Variants in CROCC2 observed in about 807,000 individuals in gnomAD.
CROCC2 encodes the protein ciliary rootlet coiled-coil protein 2.
CROCC2 carries 163 observed loss-of-function variants against 177.6 expected under a neutral mutation model. The ratio of observed to expected loss-of-function variants is 0.92; its 90% confidence interval spans 0.81 to 1.05. CROCC2 has a LOEUF of 1.05. CROCC2 is among the 50% of genes least tolerant of loss of function. The pLI is 0.00. For synonymous variants in CROCC2, 904 were observed against 787.3 expected (o/e 1.15, Z -2.48); for missense variants, 1,929 against 1,797.8 (o/e 1.07, Z -1.32).
In CROCC2 at chr2:240,972,722, G is replaced by A. The variant is rs2059730262; in HGVS notation, c.4401+4460G>A. Among the ~76,000 whole-genome samples, 1 of 151,762 alleles carries A rather than the reference G, an allele frequency of 6.6e-6. No homozygotes were observed. The highest frequency in any genetic ancestry group is 1.5e-5 in the Non-Finnish European group (1 of 67,978). On this transcript the variant is annotated intron_variant, in intron 27 of 31. Transcript: ENST00000690015. The surrounding 1 kb of genome is among the most constrained non-coding windows in gnomAD (Gnocchi z 7.1). ...GGTGTCAACGTTTTCTTACAATTCT[G>A]GCAATTATTATTTCACCCATTTTTA...
At chr2:240,931,446 C>G (rs190967753) in intron 7 of CROCC2, among the ~76,000 whole-genome samples, 1 of 152,194 alleles carries the variant, frequency 6.6e-6, no homozygotes, top group Non-Finnish European at 1.5e-5. Flanking sequence ...GAACATTCTT[C>G]TAGGGGCAAG....
Position 240,949,528 on chromosome 2 carries a change from C to T in CROCC2, c.2483-5C>T. The T allele has an allele frequency of 6.5e-7, 1 of 1,550,096 alleles. No homozygotes were observed. The highest frequency in any genetic ancestry group is 8.7e-7 in the Non-Finnish European group (1 of 1,146,590). Reference sequence around the variant, plus strand: ...CCCTGGTGCATCTCACCCATCACCCCACAGTGGAAATGGAGCAGCTACAAA... The same window carrying T: ...CCCTGGTGCATCTCACCCATCACCCTACAGTGGAAATGGAGCAGCTACAAA... On this transcript the variant is annotated splice_polypyrimidine_tract_variant and splice_region_variant and intron_variant, in intron 16 of 31. Transcript: ENST00000690015. The surrounding 1 kb of genome is among the most constrained non-coding windows in gnomAD (Gnocchi z 4.5).
rs754849341 is a variant in CROCC2 at position 240,934,955 on chromosome 2, C to T, written c.1831C>T (p.Arg611Trp). The change falls in exon 13 of 32, where the codon CGG becomes TGG. Residue 611 changes from arginine to tryptophan, a missense_variant. Physicochemically the swap from Arg to Trp is moderately radical, Grantham distance 101. This residue lies in a region of CROCC2 where 1,397 missense variants were observed against 1,239.9 expected (regional missense o/e 1.13). Coordinates refer to ENST00000690015, the MANE Select transcript of CROCC2 (RefSeq NM_001351305.2). ...TGCGGACCTGGAGCTTCTTGTGAGG[C>T]GGCTGAAGTCGGAGGGAGTGGAGCA... ...SNADLELLVR[R>W]LKSEGVEQRD... 1.4e-5 allele frequency: 21 copies of T among 1,517,626 alleles called. No individual in the cohort carries two copies. The highest frequency in any genetic ancestry group is 1.0e-4 in the South Asian group (8 of 80,166). The allele number at this position is 1,517,626 out of a possible 1,614,324, so 94.0% of individuals were successfully genotyped here.
intron 11 of CROCC2, 31 bp downstream of exon 11, chr2:240,933,883 C>A: frequency 6.5e-7 from 1 of 1,533,120 alleles, no homozygotes; most frequent in Non-Finnish European, 8.8e-7. Flanking sequence ...GGGCAGGGCC[C>A]CTCCCACAGA....
chr2:240,957,924 C>A (rs1018343627), intron 19 of CROCC2: 1 of 972,544 alleles, frequency 1.0e-6, no homozygotes, highest in Non-Finnish European at 1.2e-6. Flanking sequence ...GAAAGCCCTC[C>A]TGGGGCCCTG....
At chr2:240,963,964 G>A (rs1219444659) in intron 21 of CROCC2, 191 bp downstream of exon 21, 12 of 632,404 alleles carry the variant, frequency 1.9e-5, no homozygotes, top group Non-Finnish European at 2.5e-5. Context: ...GCCAGTGCGA[G>A]GGATGGCTGA....
At chr2:240,969,265 G>A (rs1052344353) in intron 27 of CROCC2, among the ~76,000 whole-genome samples, 13 of 152,222 alleles carry the variant, frequency 8.5e-5, no homozygotes, top group African/African-American at 1.2e-4. Flanking sequence ...TGTTCCACGC[G>A]GGGCTCAGCC....
Position 240,951,329 on chromosome 2 carries a change from G to A in CROCC2, c.2829+819G>A, listed in dbSNP as rs576917042. ...CATCCATCCATCCACCCATCCACCT[G>A]TTCATCCTTCCATCCTCCCATCCAC... On this transcript the variant is annotated intron_variant, in intron 18 of 31. Transcript: ENST00000690015. 2.8e-5 allele frequency among the ~76,000 whole-genome samples: 4 copies of A among 143,072 alleles called. No homozygotes were observed. In the South Asian group the frequency reaches 6.9e-4, roughly 25 times the overall value. 93.9% of individuals were successfully genotyped at this position (143,072 alleles called of 152,430 possible). A position where few individuals can be genotyped will look rare whatever the true frequency, so the allele number is the denominator to read the frequency against.
chr2:240,966,026 T>C, intron 24 of CROCC2, 33 bp downstream of exon 24: 1 of 1,319,766 alleles, frequency 7.6e-7, no homozygotes, highest in Non-Finnish European at 9.6e-7. Flanking sequence ...GGCGGGCCCC[T>C]CTCCCAGCTC....
chr2:240,910,161 G>A (rs1246713424), intron 1 of CROCC2, among the ~76,000 whole-genome samples: 1 of 152,168 alleles, frequency 6.6e-6, no homozygotes, highest in Admixed American at 6.5e-5. Context: ...CTGTCCCTGG[G>A]GTGAGCAAGT....
Position 240,949,742 on chromosome 2 carries a change from C to A in CROCC2, c.2652+40C>A. 1 of 1,508,192 alleles carries A rather than the reference C, an allele frequency of 6.6e-7. No homozygotes were observed. Among genetic ancestry groups the A allele is most frequent in the Non-Finnish European group, 8.9e-7 (1 of 1,121,566 alleles). The allele number at this position is 1,508,192 out of a possible 1,614,324, so 93.4% of individuals were successfully genotyped here. ...AGCCCACCAGTAGCTTCCTAGAAGG[C>A]TACCAGGTCCCGGGGAATGGCAGGC... On this transcript the variant is annotated intron_variant, in intron 17 of 31. Transcript: ENST00000690015. The surrounding 1 kb of genome is among the most constrained non-coding windows in gnomAD (Gnocchi z 4.5).
chr2:240,973,666 G>C lies in CROCC2; in HGVS notation c.4401+5404G>C, dbSNP rs2059738753. Among the ~76,000 whole-genome samples the C allele has an allele frequency of 6.6e-6, 1 of 152,234 alleles. No individual in the cohort carries two copies. The highest frequency in any genetic ancestry group is 2.4e-5 in the African/African-American group (1 of 41,456). On this transcript the variant is annotated intron_variant, in intron 27 of 31. Transcript: ENST00000690015. This position sits in a 1 kb window ranked among gnomAD's most constrained non-coding sequence, Gnocchi z 4.7. ...CGGGGTCCACATATGCCCACAGCTA[G>C]CAGAGCAGCTTAGGGCCAGCGGGGC...
At chr2:240,953,000 C>A (rs954964222) in intron 18 of CROCC2, among the ~76,000 whole-genome samples, 15 of 152,172 alleles carry the variant, frequency 9.9e-5, no homozygotes, top group African/African-American at 3.6e-4. Flanking sequence ...TCAAGGCCCC[C>A]ACGCAGCCCC....
At chr2:240,991,807 G>A (rs1400984285) in intron 31 of CROCC2, among the ~76,000 whole-genome samples, 1 of 152,244 alleles carries the variant, frequency 6.6e-6, no homozygotes, top group African/African-American at 2.4e-5. Context: ...CGTGCCCTCA[G>A]CTCTGTAAAC....
chr2:240,914,031 G>T (rs182801064), intron 1 of CROCC2, among the ~76,000 whole-genome samples: 8 of 152,272 alleles, frequency 5.3e-5, no homozygotes, highest in Non-Finnish European at 2.9e-5. Context: ...GGCAGCAGCC[G>T]CAGCATGGCT....
At chr2:240,952,737 C>A (rs1395234717) in intron 18 of CROCC2, among the ~76,000 whole-genome samples, 2 of 152,156 alleles carry the variant, frequency 1.3e-5, no homozygotes, top group Non-Finnish European at 1.5e-5. Context: ...CCTTGGGCGC[C>A]AGCATCAGGT....
intron 1 of CROCC2, among the ~76,000 whole-genome samples, chr2:240,911,596 C>T (rs1214971782): frequency 6.6e-6 from 1 of 152,114 alleles, no homozygotes; most frequent in African/African-American, 2.4e-5. Flanking sequence ...CCACGCCCGG[C>T]CCCAGAACTT....
At chr2:240,971,932 C>T (rs1054815550) in intron 27 of CROCC2, among the ~76,000 whole-genome samples, 1 of 152,136 alleles carries the variant, frequency 6.6e-6, no homozygotes, top group Non-Finnish European at 1.5e-5. Flanking sequence ...CCACGGTGGC[C>T]TCGTTCGGCC....
intron 18 of CROCC2, chr2:240,950,839 C>G: frequency 3.5e-6 from 1 of 282,986 alleles, no homozygotes; most frequent in Non-Finnish European, 6.6e-6. Flanking sequence ...ATCCACCCAT[C>G]CAACCACCCA....
Sources: gnomAD v4.1 joint callset for allele counts (sites outside exome capture counted in the v4.1 genomes callset) on GRCh38, gnomAD v4.1.1 for gene constraint, gnomAD v4.1.1 regional missense constraint, Gnocchi (gnomAD v3.1) non-coding constraint, MANE v1.5 for transcripts, NCBI Gene and HGNC (gene_info 2026-07-23, HGNC 2026-07-21) for gene names.